CTNNA3: variants seen among roughly 807,000 people sequenced by gnomAD.
The protein encoded by CTNNA3 is catenin alpha 3, also known as catenin alpha-3.
CTNNA3 carries 76 observed loss-of-function variants against 95.7 expected under a neutral mutation model. The observed-to-expected ratio is 0.79, with a 90% CI of 0.66 to 0.96. The LOEUF is 0.96. Among genes scored for constraint, CTNNA3 ranks in the 40% least tolerant of loss-of-function variants. CTNNA3 has a pLI of 0.00. For missense variants in CTNNA3, 1,191 were observed against 1,089.8 expected, an observed-to-expected ratio of 1.09 and a Z score of -1.31; for synonymous variants, 431 against 374.4, an observed-to-expected ratio of 1.15 and a Z score of -1.74.
chr10:66,570,427 T>C (rs1156351433), intron 10 of CTNNA3, among the ~76,000 whole-genome samples: 1 of 152,062 alleles, frequency 6.6e-6, no homozygotes, highest in African/African-American at 2.4e-5. Flanking sequence ...TAGATGGGAT[T>C]ACAGGCACAT....
In CTNNA3 at chr10:67,223,993, C is replaced by T. The variant is rs561836737; in HGVS notation, c.580-4123G>A. On this transcript the variant is annotated intron_variant, in intron 5 of 17. Transcript: ENST00000433211. Reference sequence around the variant, plus strand: ...AAAAATTGTGTAGATTCAAGGTGTACTATATGATGCTTTCATATACATATA... The same window carrying T: ...AAAAATTGTGTAGATTCAAGGTGTATTATATGATGCTTTCATATACATATA... Among the ~76,000 whole-genome samples, 3 of 149,834 alleles carry T rather than the reference C, an allele frequency of 2.0e-5. No homozygotes were observed. The East Asian group carries it at 6.0e-4, about 30-fold the overall frequency.
chr10:67,350,973 C>A (rs571230625), intron 5 of CTNNA3, among the ~76,000 whole-genome samples: 59 of 150,400 alleles, frequency 3.9e-4, no homozygotes, highest in Non-Finnish European at 5.8e-4. Flanking sequence ...AACCTGCATT[C>A]CCCTCAAATA....
chr10:67,476,931 T>C (rs1255580879), intron 5 of CTNNA3, among the ~76,000 whole-genome samples: 5 of 151,632 alleles, frequency 3.3e-5, no homozygotes, highest in Admixed American at 3.3e-4. Flanking sequence ...GCTCACCTAC[T>C]CAGCATCCTG....
intron 5 of CTNNA3, among the ~76,000 whole-genome samples, chr10:67,311,384 T>C (rs561482105): frequency 6.6e-6 from 1 of 152,264 alleles, no homozygotes; most frequent in East Asian, 1.9e-4. Context: ...TAGGTAACTT[T>C]AAACAAGAAA....
At chr10:66,762,289 A>G (rs1049969656) in intron 9 of CTNNA3, among the ~76,000 whole-genome samples, 2 of 152,078 alleles carry the variant, frequency 1.3e-5, no homozygotes, top group African/African-American at 4.8e-5. Flanking sequence ...ATTCATTGCT[A>G]ATCACTATGT....
intron 12 of CTNNA3, among the ~76,000 whole-genome samples, chr10:66,331,733 C>T (rs374457724): frequency 4.6e-5 from 7 of 151,946 alleles, no homozygotes; most frequent in South Asian, 4.2e-4. Flanking sequence ...AGTCAGGTAG[C>T]GTGATGCCTC....
At chr10:67,119,363 ATCT>A (rs1431727169) in intron 7 of CTNNA3, among the ~76,000 whole-genome samples, 2 of 151,906 alleles carry the variant, frequency 1.3e-5, no homozygotes, top group Non-Finnish European at 2.9e-5. Context: ...TGAGCTATAC[ATCT>A]TCTCTACATC....
intron 3 of CTNNA3, among the ~76,000 whole-genome samples, chr10:67,582,168 G>C (rs1270536239): frequency 7.2e-6 from 1 of 139,274 alleles, no homozygotes; most frequent in African/African-American, 2.7e-5. Context: ...TCAATTTTAG[G>C]TCTTTCCTGC....
intron 13 of CTNNA3, among the ~76,000 whole-genome samples, chr10:66,111,008 G>A (rs2133777621): frequency 6.6e-6 from 1 of 152,280 alleles, no homozygotes; most frequent in Middle Eastern, 3.4e-3. Context: ...GAAAAGGTAA[G>A]GTGTTGTGTC....
chr10:66,444,507 G>T (rs967963743), intron 11 of CTNNA3, among the ~76,000 whole-genome samples: 3 of 151,836 alleles, frequency 2.0e-5, no homozygotes, highest in Admixed American at 6.6e-5. Flanking sequence ...AGAAGAGAGT[G>T]GGGGCCAACA....
intron 9 of CTNNA3, among the ~76,000 whole-genome samples, chr10:66,644,473 G>C (rs1001462115): frequency 1.3e-5 from 1 of 77,960 alleles, no homozygotes; most frequent in Non-Finnish European, 2.3e-5. Flanking sequence ...ATATATATAT[G>C]TTTATATATA....
chr10:66,713,344 A>C (rs1469480058), intron 9 of CTNNA3, among the ~76,000 whole-genome samples: 2 of 152,092 alleles, frequency 1.3e-5, no homozygotes, highest in South Asian at 4.1e-4. Flanking sequence ...TTGGTTCCCA[A>C]AGTAACTCTA....
At chr10:66,043,895 C>T (rs2079760836) in intron 15 of CTNNA3, among the ~76,000 whole-genome samples, 1 of 151,782 alleles carries the variant, frequency 6.6e-6, no homozygotes, top group Non-Finnish European at 1.5e-5. Context: ...AGGAGGCATA[C>T]CTCAAGGGAC....
intron 13 of CTNNA3, among the ~76,000 whole-genome samples, chr10:66,185,621 TACC>T (rs1325399686): frequency 6.6e-6 from 1 of 152,074 alleles, no homozygotes; most frequent in Non-Finnish European, 1.5e-5. Flanking sequence ...TCTAAAATGT[TACC>T]ACATTAGTGA....
rs541869230 is a variant in CTNNA3, at chr10:66,045,448, C to T, written c.2159+23860G>A. Among the ~76,000 whole-genome samples, 3 of 152,222 alleles carry T rather than the reference C, an allele frequency of 2.0e-5. No individual in the cohort carries two copies. The South Asian group carries it at 6.2e-4, about 32-fold the overall frequency. On this transcript the variant is annotated intron_variant, in intron 15 of 17. Coordinates refer to ENST00000433211, the MANE Select transcript of CTNNA3 (RefSeq NM_013266.4). Reference sequence around the variant, plus strand: ...TTAAAATGTAGAACATAGGTGAAAACAGACTAAACAAAAATGTTACTGATT... The same window carrying T: ...TTAAAATGTAGAACATAGGTGAAAATAGACTAAACAAAAATGTTACTGATT...
chr10:66,528,640 G>A (rs1352558230), intron 10 of CTNNA3, among the ~76,000 whole-genome samples: 3 of 152,144 alleles, frequency 2.0e-5, no homozygotes, highest in African/African-American at 7.2e-5. Context: ...TGTGTTTAGT[G>A]GGTAATTTCA....
chr10:67,321,219 T>C (rs945991737), intron 5 of CTNNA3, among the ~76,000 whole-genome samples: 3 of 152,206 alleles, frequency 2.0e-5, no homozygotes, highest in African/African-American at 7.2e-5. Flanking sequence ...TCCCCATGTT[T>C]ATAGTTGCAA....
intron 5 of CTNNA3, among the ~76,000 whole-genome samples, chr10:67,222,398 GTCTT>G (rs1190096503): frequency 1.3e-5 from 2 of 152,298 alleles, no homozygotes; most frequent in African/African-American, 4.8e-5. Context: ...TTCGGTGTCT[GTCTT>G]TCTATCTGTA....
chr10:66,031,297 T>G (rs2079444874), intron 15 of CTNNA3, among the ~76,000 whole-genome samples: 1 of 152,162 alleles, frequency 6.6e-6, no homozygotes, highest in South Asian at 2.1e-4. Flanking sequence ...AGACATTGAA[T>G]TAACCTAAAT....
Sources: allele counts gnomAD v4.1 joint callset (sites outside exome capture counted in the v4.1 genomes callset), GRCh38; gene constraint gnomAD v4.1.1; transcripts MANE v1.5; gene names NCBI Gene and HGNC (gene_info 2026-07-23, HGNC 2026-07-21).